Variants in FAM124B observed in about 807,000 individuals in gnomAD.
FAM124B encodes the protein protein FAM124B.
FAM124B carries 18 observed loss-of-function variants against 19.7 expected under a neutral mutation model. The observed-to-expected ratio is 0.92, with a 90% CI of 0.63 to 1.36. The LOEUF (loss-of-function observed/expected upper bound fraction) is 1.36. Among genes scored for constraint, FAM124B ranks in the 40% most tolerant of loss-of-function variants. The probability of loss-of-function intolerance (pLI) is 0.00; values close to 1 mark genes in which losing one functional copy is unlikely to be tolerated. For missense variants in FAM124B, 540 were observed against 553.3 expected (o/e 0.98, Z 0.24); for synonymous variants, 223 against 225.2 (o/e 0.99, Z 0.09).
intron 1 of FAM124B, among the ~76,000 whole-genome samples, chr2:224,398,338 T>G (rs1397287344): frequency 5.3e-5 from 8 of 152,052 alleles, no homozygotes; most frequent in African/African-American, 1.9e-4. Context: ...CCTCAAGTGA[T>G]CCACCTGCCT....
At chr2:224,383,700 C>T (rs1653706315) in intron 1 of FAM124B, among the ~76,000 whole-genome samples, 1 of 152,180 alleles carries the variant, frequency 6.6e-6, no homozygotes, top group Non-Finnish European at 1.5e-5. Flanking sequence ...GGAAAAAATA[C>T]TATCTCCGAA....
intron 1 of FAM124B, among the ~76,000 whole-genome samples, chr2:224,397,271 C>T (rs1421201807): frequency 6.6e-6 from 1 of 152,150 alleles, no homozygotes; most frequent in East Asian, 1.9e-4. Flanking sequence ...TGCACAAGCC[C>T]TCTCTTTGCC....
intron 1 of FAM124B, among the ~76,000 whole-genome samples, chr2:224,381,967 TAC>T (rs150639921): frequency 5.3e-5 from 8 of 151,122 alleles, no homozygotes; most frequent in African/African-American, 1.2e-4. Flanking sequence ...CTCTCTCTCA[TAC>T]ACACACACAC....
rs182001208 is a variant in FAM124B at position 224,392,035 on chromosome 2, G to A, written c.732+9002C>T. ...TCAGTACAGGGAGGTAACATATGTT[G>A]TAATCTTAAAATATAATATTAAAAT... On this transcript the variant is annotated intron_variant, in intron 1 of 1. Transcript: ENST00000409685. Among the ~76,000 whole-genome samples, 417 of 152,282 alleles carry A rather than the reference G, an allele frequency of 2.7e-3. 1 individual carries two copies. Among genetic ancestry groups the A allele is most frequent in the African/African-American group, 9.6e-3 (397 of 41,552 alleles).
At chr2:224,391,209 C>T (rs904665095) in intron 1 of FAM124B, among the ~76,000 whole-genome samples, 1 of 150,816 alleles carries the variant, frequency 6.6e-6, no homozygotes, top group Non-Finnish European at 1.5e-5. Context: ...GGCATGGTGC[C>T]GCACACCTAT....
At chr2:224,383,243 T>C (rs1239716333) in intron 1 of FAM124B, among the ~76,000 whole-genome samples, 2 of 152,202 alleles carry the variant, frequency 1.3e-5, no homozygotes, top group Admixed American at 1.3e-4. Context: ...AATTCTAATG[T>C]GCAGCGAAGT....
At chr2:224,391,320 G>T (rs1290574875) in intron 1 of FAM124B, among the ~76,000 whole-genome samples, 14 of 143,616 alleles carry the variant, frequency 9.7e-5, no homozygotes, top group African/African-American at 3.6e-4. Context: ...CAGTCCAGGT[G>T]ACAGAGCAAG....
intron 1 of FAM124B, among the ~76,000 whole-genome samples, chr2:224,397,262 G>A (rs2106088245): frequency 6.6e-6 from 1 of 152,228 alleles, no homozygotes; most frequent in East Asian, 1.9e-4. Flanking sequence ...AGAGTTCTCT[G>A]CACAAGCCCT....
intron 1 of FAM124B, chr2:224,399,475 C>T (rs1690027096): frequency 6.6e-6 from 1 of 152,198 alleles, no homozygotes; most frequent in African/African-American, 2.4e-5. Context: ...AATGGAAAGA[C>T]ATCTCATCTT....
intron 1 of FAM124B, among the ~76,000 whole-genome samples, chr2:224,384,516 C>A (rs892016726): frequency 3.9e-5 from 6 of 152,202 alleles, no homozygotes; most frequent in African/African-American, 1.4e-4. Context: ...AGAAACACAT[C>A]GGTCTGTGAA....
intron 1 of FAM124B, among the ~76,000 whole-genome samples, chr2:224,384,409 C>A (rs1211529187): frequency 3.3e-5 from 5 of 152,168 alleles, no homozygotes; most frequent in Admixed American, 2.0e-4. Context: ...TCCAACTCCC[C>A]TCACTATTCC....
At chr2:224,396,843 G>A (rs1689980235) in intron 1 of FAM124B, among the ~76,000 whole-genome samples, 2 of 152,212 alleles carry the variant, frequency 1.3e-5, no homozygotes, top group Non-Finnish European at 2.9e-5. Flanking sequence ...GTAACCCTCA[G>A]AGCTGCTAGC....
intron 1 of FAM124B, among the ~76,000 whole-genome samples, chr2:224,387,793 C>T (rs1254854618): frequency 6.6e-6 from 1 of 152,008 alleles, no homozygotes; most frequent in Non-Finnish European, 1.5e-5. Flanking sequence ...TGAGAGTGTA[C>T]AGCTGAGAGA....
intron 1 of FAM124B, among the ~76,000 whole-genome samples, chr2:224,390,861 C>T (rs1427093062): frequency 3.1e-4 from 47 of 151,526 alleles, no homozygotes; most frequent in Admixed American, 3.1e-3. Context: ...CCACCACGCC[C>T]GGCTAATTTT....
chr2:224,391,707 A>G (rs1380978531), intron 1 of FAM124B, among the ~76,000 whole-genome samples: 2 of 152,232 alleles, frequency 1.3e-5, no homozygotes, highest in East Asian at 3.8e-4. Context: ...CTTTGGAGAC[A>G]GAGAGACCTG....
At chr2:224,389,250 T>C (rs998277360) in intron 1 of FAM124B, among the ~76,000 whole-genome samples, 6 of 152,176 alleles carry the variant, frequency 3.9e-5, no homozygotes, top group Admixed American at 1.3e-4. Context: ...GAGATTCTAG[T>C]AGGGGTCTGA....
At position 224,401,065 on chromosome 2, in the gene FAM124B, T is replaced by A. The variant is rs1226193503; in HGVS notation, c.704A>T (p.Asp235Val). The change falls in exon 1 of 2, where the codon GAC becomes GTC. Residue 235 changes from aspartate to valine, a missense_variant. Asp to Val is a radical substitution (Grantham distance 152, BLOSUM62 -3). Transcript: ENST00000409685. Reference protein sequence around the residue: ...PISSTRWQTQDYDGNKILLQV... With the variant: ...PISSTRWQTQVYDGNKILLQV... ...AAGCAGAATCTTGTTGCCATCGTAG[T>A]CCTGAGTCTGCCACCTGGTGCTGCT... The A allele has an allele frequency of 3.7e-6, 6 of 1,608,536 alleles. No individual in the cohort carries two copies. The highest frequency in any genetic ancestry group is 1.1e-5 in the South Asian group (1 of 90,692).
At chr2:224,392,371 G>A (rs1689902094) in intron 1 of FAM124B, among the ~76,000 whole-genome samples, 1 of 152,086 alleles carries the variant, frequency 6.6e-6, no homozygotes, top group African/African-American at 2.4e-5. Flanking sequence ...TAGAACCCAA[G>A]AGTTTAAAGC....
At chr2:224,398,917 C>T (rs1269584473) in intron 1 of FAM124B, among the ~76,000 whole-genome samples, 2 of 152,190 alleles carry the variant, frequency 1.3e-5, no homozygotes, top group Non-Finnish European at 2.9e-5. Context: ...GCAGAGGTTG[C>T]AGTGAGCTGA....
Sources: allele counts gnomAD v4.1 joint callset (sites outside exome capture counted in the v4.1 genomes callset), GRCh38; gene constraint gnomAD v4.1.1; transcripts MANE v1.5; gene names NCBI Gene and HGNC (gene_info 2026-07-23, HGNC 2026-07-21).